The following AKT3 variants were observed in gnomAD, a reference collection of about 807,000 sequenced individuals.
AKT3 encodes RAC-gamma serine/threonine-protein kinase.
Under a neutral mutation model 65.3 loss-of-function variants are expected in AKT3, and 15 were observed. The observed-to-expected ratio is 0.23, with a 90% CI of 0.15 to 0.35. The LOEUF is 0.35. AKT3 is among the 10% of genes least tolerant of loss of function. The probability of loss-of-function intolerance (pLI) is 1.00; values close to 1 mark genes in which losing one functional copy is unlikely to be tolerated. For synonymous variants in AKT3, 206 were observed against 183.8 expected, an observed-to-expected ratio of 1.12 and a Z score of -0.98; for missense variants, 243 against 576.5, an observed-to-expected ratio of 0.42 and a Z score of 5.92.
intron 2 of AKT3, among the ~76,000 whole-genome samples, chr1:243,706,219 C>T (rs1374142708): frequency 6.6e-6 from 1 of 152,168 alleles, no homozygotes; most frequent in Non-Finnish European, 1.5e-5. Flanking sequence ...GAAATAAAGA[C>T]TATACTCCTG....
chr1:243,515,079 T>C (rs1473409584), intron 12 of AKT3, among the ~76,000 whole-genome samples: 1 of 152,240 alleles, frequency 6.6e-6, no homozygotes, highest in Non-Finnish European at 1.5e-5. Context: ...GGCTTGTTCA[T>C]TTAGCATTAT....
intron 2 of AKT3, among the ~76,000 whole-genome samples, chr1:243,769,398 C>T (rs1482163607): frequency 1.3e-5 from 2 of 152,158 alleles, no homozygotes; most frequent in Non-Finnish European, 2.9e-5. Flanking sequence ...TCCAAAGCAG[C>T]TGTACCATTT....
intron 2 of AKT3, among the ~76,000 whole-genome samples, chr1:243,793,011 T>C (rs994925482): frequency 1.3e-4 from 20 of 152,164 alleles, no homozygotes; most frequent in Non-Finnish European, 1.5e-4. Context: ...GAAATCATCT[T>C]GTAATAAAAC....
intron 2 of AKT3, among the ~76,000 whole-genome samples, chr1:243,781,667 A>C (rs1489256382): frequency 2.6e-5 from 4 of 152,086 alleles, no homozygotes; most frequent in African/African-American, 4.8e-5. Flanking sequence ...TTTTTTTAAC[A>C]GTTTTTTAAA....
chr1:243,535,518 T>A (rs922957640), intron 12 of AKT3, among the ~76,000 whole-genome samples: 1 of 152,200 alleles, frequency 6.6e-6, no homozygotes, highest in African/African-American at 2.4e-5. Flanking sequence ...ATAATGGCCT[T>A]CAGTTCCATC....
chr1:243,591,450 A>G (rs192113945), intron 8 of AKT3, among the ~76,000 whole-genome samples: 3 of 152,220 alleles, frequency 2.0e-5, no homozygotes, highest in Admixed American at 6.5e-5. Context: ...ATGCCTAAAT[A>G]TATTTTTTAA....
Position 243,675,402 on chromosome 1 carries a change from T to C in AKT3, c.173-10519A>G, listed in dbSNP as rs1051006290. Reference sequence around the variant, plus strand: ...TTTTAGTAGAGACGGGGTTTCACCATGTTAGCCAGGCTGGTCTCAAACTCC... The same window carrying C: ...TTTTAGTAGAGACGGGGTTTCACCACGTTAGCCAGGCTGGTCTCAAACTCC... On this transcript the variant is annotated intron_variant, in intron 3 of 13. Coordinates refer to ENST00000673466, the MANE Select transcript of AKT3 (RefSeq NM_005465.7). Among the ~76,000 whole-genome samples the C allele has an allele frequency of 3.0e-4, 46 of 152,202 alleles. 1 individual carries two copies. The highest frequency in any genetic ancestry group is 1.3e-4 in the Admixed American group (2 of 15,284).
chr1:243,846,299 G>C (rs1006817865), intron 1 of AKT3, among the ~76,000 whole-genome samples: 2 of 151,990 alleles, frequency 1.3e-5, no homozygotes, highest in Non-Finnish European at 2.9e-5. Flanking sequence ...CCTAAAATCT[G>C]TCTTGGGAAT....
At position 243,643,252 on chromosome 1, in the gene AKT3, A is replaced by T. The variant is rs543394766; in HGVS notation, c.429+2641T>A. Among the ~76,000 whole-genome samples the T allele has an allele frequency of 1.2e-4, 18 of 152,324 alleles. No homozygotes were observed. The East Asian group carries it at 2.1e-3, about 18-fold the overall frequency. On this transcript the variant is annotated intron_variant, in intron 5 of 13. Transcript: ENST00000673466. ...GCCAGGAATTAGGTGATACAATCCCAAGAACTGGAGTCAAACTTAGTGGGA... is the reference window on the plus strand; with the variant it reads ...GCCAGGAATTAGGTGATACAATCCCTAGAACTGGAGTCAAACTTAGTGGGA...
rs566574203 is a variant in AKT3, at chr1:243,608,743, C to CTTT, written c.696+4925_696+4927dup. Among the ~76,000 whole-genome samples, 112 of 70,792 alleles carry CTTT rather than the reference C, an allele frequency of 1.6e-3. 20 individuals are homozygous for CTTT. The highest frequency in any genetic ancestry group is 5.4e-3 in the African/African-American group (82 of 15,320). 46.4% of individuals were successfully genotyped at this position (70,792 alleles called of 152,430 possible). A position where few individuals can be genotyped will look rare whatever the true frequency, so the allele number is the denominator to read the frequency against. On this transcript the variant is annotated intron_variant, in intron 8 of 13. Coordinates refer to ENST00000673466, the MANE Select transcript of AKT3 (RefSeq NM_005465.7). ...TTTTCTACAGTAATTAAGTTTTTTGCTTTTTTTTTTTTTTTTTTTTTTTTT... is the reference window on the plus strand; with the variant it reads ...TTTTCTACAGTAATTAAGTTTTTTGCTTTTTTTTTTTTTTTTTTTTTTTTTTTT...
rs1558568521 is a variant in AKT3, at chr1:243,501,448, AG to A, written c.*3800del. 8.6e-6 allele frequency: 2 copies of A among 233,088 alleles called. No homozygotes were observed. The highest frequency in any genetic ancestry group is 8.5e-6 in the Non-Finnish European group (1 of 118,022). 14.4% of individuals were successfully genotyped at this position (233,088 alleles called of 1,614,324 possible). On this transcript the variant is annotated 3_prime_UTR_variant, in exon 14 of 14. Transcript: ENST00000673466. ...AGATGATTCGGGTCTGAATGTCCCC[AG>A]GGTCTGAGACCTCCTTCATCCCTGG... is the stretch of plus-strand genomic sequence containing the variant.
chr1:243,679,018 TC>T (rs1286147445), intron 3 of AKT3, among the ~76,000 whole-genome samples: 1 of 152,106 alleles, frequency 6.6e-6, no homozygotes, highest in Admixed American at 6.6e-5. Flanking sequence ...CTCTTTCTCC[TC>T]CTCCTCAGCC....
chr1:243,837,832 C>T (rs1177677674), intron 2 of AKT3, among the ~76,000 whole-genome samples: 3 of 152,048 alleles, frequency 2.0e-5, no homozygotes, highest in Non-Finnish European at 2.9e-5. Flanking sequence ...AGCAATAAAG[C>T]AAAATATCCA....
chr1:243,531,251 C>A (rs997507143), intron 12 of AKT3, among the ~76,000 whole-genome samples: 3 of 151,936 alleles, frequency 2.0e-5, no homozygotes, highest in African/African-American at 7.3e-5. Flanking sequence ...CCACCATGCC[C>A]GGCTAATTTT....
intron 2 of AKT3, among the ~76,000 whole-genome samples, chr1:243,724,681 A>C (rs1231500641): frequency 1.3e-5 from 2 of 152,188 alleles, no homozygotes; most frequent in South Asian, 4.1e-4. Flanking sequence ...CCAAGGATTA[A>C]GGGGGTTCTA....
rs145806103 is a variant in AKT3 at position 243,531,276 on chromosome 1, A to G, written c.1251+14234T>C. On this transcript the variant is annotated intron_variant, in intron 12 of 13. Transcript: ENST00000673466. ...CGGCTAATTTTTTGTTATTTTTGGT[A>G]AAGGTGGGGTTTTGCCATTGGTCTT... Among the ~76,000 whole-genome samples, 117 of 152,034 alleles carry G rather than the reference A, an allele frequency of 7.7e-4. 1 individual carries two copies. The East Asian group carries it at 0.02, about 26-fold the overall frequency.
intron 10 of AKT3, among the ~76,000 whole-genome samples, chr1:243,558,292 A>G (rs1326557322): frequency 6.6e-6 from 1 of 152,042 alleles, no homozygotes; most frequent in African/African-American, 2.4e-5. Context: ...TTTATATAGA[A>G]ATTAATCTCC....
At chr1:243,781,496 T>C (rs1433481940) in intron 2 of AKT3, among the ~76,000 whole-genome samples, 14 of 152,230 alleles carry the variant, frequency 9.2e-5, no homozygotes, top group Non-Finnish European at 2.1e-4. Flanking sequence ...ATTTATCTTT[T>C]TCTTAATGAT....
intron 5 of AKT3, among the ~76,000 whole-genome samples, chr1:243,641,288 ACG>A (rs546878880): frequency 6.7e-6 from 1 of 149,678 alleles, no homozygotes; most frequent in Non-Finnish European, 1.5e-5. Flanking sequence ...ACACACACAC[ACG>A]CACACACACA....
Sources: gnomAD v4.1 joint callset for allele counts (sites outside exome capture counted in the v4.1 genomes callset) on GRCh38, gnomAD v4.1.1 for gene constraint, MANE v1.5 for transcripts, NCBI Gene and HGNC (gene_info 2026-07-23, HGNC 2026-07-21) for gene names.